The following ARB2A variants were observed in gnomAD, a reference collection of about 807,000 sequenced individuals.
ARB2A encodes cotranscriptional regulator ARB2A.
the ARB2A span, among the ~76,000 whole-genome samples, chr5:93,727,856 A>T: frequency 6.6e-6 from 1 of 152,096 alleles, no homozygotes; most frequent in East Asian, 1.9e-4. Context: ...AAAACAAAGT[A>T]TGGTGTCAGG....
chr5:93,900,849 T>C, the ARB2A span, among the ~76,000 whole-genome samples: 1 of 152,192 alleles, frequency 6.6e-6, no homozygotes, highest in Admixed American at 6.5e-5. Context: ...CAGTTGGTTT[T>C]AATTGTGAAA....
At chr5:93,922,397 G>A in the ARB2A span, among the ~76,000 whole-genome samples, 1 of 151,694 alleles carries the variant, frequency 6.6e-6, no homozygotes, top group Non-Finnish European at 1.5e-5. Flanking sequence ...TGCCAGGTGT[G>A]GTGGCGCATG....
At chr5:93,931,435 G>A in the ARB2A span, among the ~76,000 whole-genome samples, 8 of 152,140 alleles carry the variant, frequency 5.3e-5, no homozygotes, top group East Asian at 1.5e-3. Flanking sequence ...TTGTATTCCA[G>A]CCTGGGCAAC....
the ARB2A span, among the ~76,000 whole-genome samples, chr5:93,754,825 T>C: frequency 6.6e-6 from 1 of 152,222 alleles, no homozygotes; most frequent in Non-Finnish European, 1.5e-5. Flanking sequence ...CTATGAATAT[T>C]TTTCCTTCAA....
the ARB2A span, among the ~76,000 whole-genome samples, chr5:94,016,037 C>T: frequency 6.6e-6 from 1 of 152,100 alleles, no homozygotes; most frequent in Admixed American, 6.6e-5. Context: ...ATACTGTCTA[C>T]AACAAACCCA....
the ARB2A span, among the ~76,000 whole-genome samples, chr5:93,725,573 C>T: frequency 6.6e-6 from 1 of 151,998 alleles, no homozygotes; most frequent in Non-Finnish European, 1.5e-5. Flanking sequence ...TTTAGGGATT[C>T]CTTTGCCTGA....
the ARB2A span, among the ~76,000 whole-genome samples, chr5:93,820,962 G>A: frequency 6.6e-6 from 1 of 151,778 alleles, no homozygotes; most frequent in East Asian, 1.9e-4. Flanking sequence ...TTTTTAATGA[G>A]GTTAGATCTA....
At chr5:93,668,992 C>G in the ARB2A span, among the ~76,000 whole-genome samples, 1 of 152,170 alleles carries the variant, frequency 6.6e-6, no homozygotes, top group Non-Finnish European at 1.5e-5. Flanking sequence ...AACCTGTGAT[C>G]CCCAAATGTC....
the ARB2A span, among the ~76,000 whole-genome samples, chr5:94,015,393 AAGAG>A: frequency 6.6e-6 from 1 of 152,162 alleles, no homozygotes; most frequent in Admixed American, 6.5e-5. Context: ...CAAGAAACAC[AAGAG>A]AGAGTTCTTC....
At chr5:93,639,445 CT>C in the ARB2A span, among the ~76,000 whole-genome samples, 961 of 143,098 alleles carry the variant, frequency 6.7e-3, 1 homozygote, top group Middle Eastern at 0.011. Flanking sequence ...CTCTGAATGT[CT>C]TTTTTTTTTT....
At chr5:93,710,954 A>G in the ARB2A span, among the ~76,000 whole-genome samples, 1 of 152,212 alleles carries the variant, frequency 6.6e-6, no homozygotes, top group East Asian at 1.9e-4. Context: ...CCACCTGCAG[A>G]TAAAAGTCAC....
the ARB2A span, among the ~76,000 whole-genome samples, chr5:93,640,587 T>C: frequency 1.3e-5 from 2 of 149,904 alleles, no homozygotes; most frequent in African/African-American, 5.1e-5. Flanking sequence ...TGTGTGTGTG[T>C]GTGTGTGTGT....
At chr5:94,061,200 T>C in the ARB2A span, among the ~76,000 whole-genome samples, 2 of 151,956 alleles carry the variant, frequency 1.3e-5, no homozygotes, top group African/African-American at 2.4e-5. Flanking sequence ...ACTGCGCCAC[T>C]GCACTCCAGC....
At chr5:94,098,824 C>T in the ARB2A span, among the ~76,000 whole-genome samples, 2 of 152,170 alleles carry the variant, frequency 1.3e-5, no homozygotes, top group African/African-American at 4.8e-5. Context: ...GAAACAAAAA[C>T]AAGCATCAGA....
chr5:93,937,539 G>A, the ARB2A span, among the ~76,000 whole-genome samples: 5 of 152,094 alleles, frequency 3.3e-5, no homozygotes, highest in Non-Finnish European at 7.4e-5. Context: ...CTGAACCCAG[G>A]AGGCAGAGGT....
the ARB2A span, among the ~76,000 whole-genome samples, chr5:93,695,153 C>T: frequency 7.9e-5 from 12 of 152,146 alleles, no homozygotes; most frequent in Admixed American, 2.0e-4. Flanking sequence ...ACTAAAACAC[C>T]GAAAGCAATG....
chr5:93,983,112 AC>A, the ARB2A span, among the ~76,000 whole-genome samples: 5 of 151,512 alleles, frequency 3.3e-5, 1 homozygote, highest in Non-Finnish European at 7.4e-5. Context: ...TTACGGAGCC[AC>A]CTTATATATG....
the ARB2A span, among the ~76,000 whole-genome samples, chr5:94,045,856 C>T: frequency 6.6e-6 from 1 of 152,220 alleles, no homozygotes; most frequent in Admixed American, 6.5e-5. Flanking sequence ...TTTGAGTCTT[C>T]CTAAATGGCA....
chr5:94,072,169 A>G, the ARB2A span, among the ~76,000 whole-genome samples: 1 of 152,136 alleles, frequency 6.6e-6, no homozygotes, highest in African/African-American at 2.4e-5. Flanking sequence ...AAATGACAAA[A>G]CTAAAGGGAT....
Sources: gnomAD v4.1 joint callset for allele counts (sites outside exome capture counted in the v4.1 genomes callset) on GRCh38, gnomAD v4.1.1 for gene constraint, MANE v1.5 for transcripts, NCBI Gene and HGNC (gene_info 2026-07-23, HGNC 2026-07-21) for gene names.